ALDH4A1: variants seen among roughly 807,000 people sequenced by gnomAD.
The protein encoded by ALDH4A1 is delta-1-pyrroline-5-carboxylate dehydrogenase, mitochondrial.
A neutral mutation model predicts 70.5 loss-of-function variants in ALDH4A1; 46 were observed. That is an observed-to-expected ratio of 0.65 (90% CI 0.51 to 0.83). The LOEUF is 0.83. Ranked by LOEUF, ALDH4A1 falls within the 40% of genes least tolerant of loss-of-function variation. The pLI, the probability that ALDH4A1 is intolerant of heterozygous loss-of-function variation, is 0.00. For synonymous variants in ALDH4A1, 323 were observed against 324.3 expected, an observed-to-expected ratio of 1.00 and a Z score of 0.04; for missense variants, 749 against 766.5, an observed-to-expected ratio of 0.98 and a Z score of 0.27.
chr1:18,887,078 T>A (rs973481148), intron 3 of ALDH4A1, among the ~76,000 whole-genome samples: 11 of 152,266 alleles, frequency 7.2e-5, no homozygotes, highest in African/African-American at 2.7e-4. Flanking sequence ...GAAGCCATCA[T>A]GGACAGAGCA....
chr1:18,879,473 G>T, intron 8 of ALDH4A1, 100 bp from the exon 9 acceptor site: 1 of 1,069,400 alleles, frequency 9.4e-7, no homozygotes, highest in East Asian at 2.6e-5. Flanking sequence ...CCCAGCAGGA[G>T]GTGGGAGCCA....
intron 14 of ALDH4A1, 76 bp from the exon 15 acceptor site, chr1:18,873,033 G>A: frequency 7.8e-7 from 1 of 1,277,688 alleles, no homozygotes; most frequent in Non-Finnish European, 1.1e-6. Flanking sequence ...GGAGATGATG[G>A]AATCAACGGA....
In ALDH4A1 at chr1:18,895,824, C is replaced by G. The variant is rs1935598253; in HGVS notation, c.63-5719G>C. Among the ~76,000 whole-genome samples the G allele has an allele frequency of 2.0e-5, 3 of 152,332 alleles. No individual in the cohort carries two copies. In the South Asian group the frequency reaches 6.2e-4, roughly 32 times the overall value. On this transcript the variant is annotated intron_variant, in intron 1 of 14. Transcript: ENST00000375341. ...CAACCTGGACTCACGCCATGCCAGC[C>G]CTGCTCCAGTCTCCAAGTCACTCAG...
intron 4 of ALDH4A1, among the ~76,000 whole-genome samples, 179 bp from the exon 5 acceptor site, chr1:18,885,807 T>C (rs1204046745): frequency 6.6e-6 from 1 of 152,190 alleles, no homozygotes; most frequent in African/African-American, 2.4e-5. Context: ...TCAGAGCCTG[T>C]AGTGGCTGCC....
chr1:18,875,539 G>C, intron 12 of ALDH4A1, 36 bp from the exon 13 acceptor site: 4 of 1,613,360 alleles, frequency 2.5e-6, no homozygotes, highest in Non-Finnish European at 3.4e-6. Flanking sequence ...CCCTCCACGG[G>C]ACCAGGGACC....
At chr1:18,879,268 C>T (rs1314035637) in intron 9 of ALDH4A1, 32 bp downstream of exon 9, 5 of 1,582,370 alleles carry the variant, frequency 3.2e-6, no homozygotes, top group Non-Finnish European at 4.3e-6. Context: ...TCCCTGGGGC[C>T]ACACGGGAGG....
Position 18,898,577 on chromosome 1 carries a change from C to T in ALDH4A1, c.62+3885G>A, listed in dbSNP as rs1935698326. ...TGAGCATTTCAGGTGCTGGGCACTCCAAAGTGCTTTCCATGTATGAGACCA... is the reference window on the plus strand; with the variant it reads ...TGAGCATTTCAGGTGCTGGGCACTCTAAAGTGCTTTCCATGTATGAGACCA... On this transcript the variant is annotated intron_variant, in intron 1 of 14. Transcript: ENST00000375341. The surrounding 1 kb of genome is among the most constrained non-coding windows in gnomAD (Gnocchi z 4.3). Among the ~76,000 whole-genome samples, 1 of 152,172 alleles carries T rather than the reference C, an allele frequency of 6.6e-6. No homozygotes were observed. Among genetic ancestry groups the T allele is most frequent in the Non-Finnish European group, 1.5e-5 (1 of 68,034 alleles).
rs183041863 is a variant in ALDH4A1 at position 18,899,658 on chromosome 1, C to T, written c.62+2804G>A. Among the ~76,000 whole-genome samples the T allele has an allele frequency of 2.4e-3, 370 of 152,332 alleles. 2 individuals are homozygous for T. The highest frequency in any genetic ancestry group is 8.6e-3 in the African/African-American group (356 of 41,576). ...TTTCCATGGGCCTCAGTTGTTTAAT[C>T]TGTGAAATGGGGGTGGTAACCCCTA... On this transcript the variant is annotated intron_variant, in intron 1 of 14. Transcript: ENST00000375341.
chr1:18,889,888 C>T, intron 2 of ALDH4A1, 124 bp downstream of exon 2: 1 of 897,472 alleles, frequency 1.1e-6, no homozygotes, highest in Non-Finnish European at 1.7e-6. Flanking sequence ...GGCTTCCACC[C>T]AAGGCTGGGA....
intron 5 of ALDH4A1, 23 bp downstream of exon 5, chr1:18,885,450 A>AC: frequency 1.2e-5 from 6 of 490,412 alleles, no homozygotes; most frequent in Non-Finnish European, 1.5e-5. Flanking sequence ...CGCCCCACCC[A>AC]CCCGGGCCCA....
intron 7 of ALDH4A1, 70 bp from the exon 8 acceptor site, chr1:18,881,957 C>G (rs1268711126): frequency 1.5e-5 from 22 of 1,447,194 alleles, no homozygotes; most frequent in Admixed American, 3.9e-5. Flanking sequence ...CCCACCCTAC[C>G]CTACAGCATG....
intron 5 of ALDH4A1, 32 bp downstream of exon 5, chr1:18,885,441 G>GGGC: frequency 4.2e-5 from 18 of 423,726 alleles, no homozygotes; most frequent in African/African-American, 2.8e-4. Context: ...ACCCCACCCC[G>GGGC]CCCCACCCAC....
rs1171077841 is a variant in ALDH4A1 at position 18,875,430 on chromosome 1, T to A, written c.1412A>T (p.Asp471Val). The stretch of plus-strand genomic sequence containing the variant: ...CGTGAGGCCATAGCTGGTGGTGCTG[T>A]CAACCAGCTGCAGCGTCTCCTTGTA... ...DKYKETLQLV[D>V]STTSYGLTGA... The change falls in exon 13 of 15, where the codon GAC becomes GTC. Residue 471 changes from aspartate to valine, a missense_variant. Physicochemically the swap from Asp to Val is radical, Grantham distance 152. Coordinates refer to ENST00000375341, the MANE Select transcript of ALDH4A1 (RefSeq NM_003748.4). 6.2e-7 allele frequency: 1 copy of A among 1,614,072 alleles called. No homozygotes were observed. The highest frequency in any genetic ancestry group is 2.2e-5 in the East Asian group (1 of 44,866).
chr1:18,887,093 T>C (rs552849182), intron 3 of ALDH4A1, among the ~76,000 whole-genome samples: 3 of 152,382 alleles, frequency 2.0e-5, no homozygotes, highest in East Asian at 3.9e-4. Flanking sequence ...AGAGCAATTG[T>C]TTCCTAAGCC....
Position 18,875,768 on chromosome 1 carries a change from G to A in ALDH4A1, c.1339-265C>T, listed in dbSNP as rs933846680. 5.3e-5 allele frequency among the ~76,000 whole-genome samples: 8 copies of A among 152,144 alleles called. 1 individual carries two copies. Among genetic ancestry groups the A allele is most frequent in the African/African-American group, 1.2e-4 (5 of 41,420 alleles). ...GGCTCTCCCTGCCAAACCCACACCC[G>A]GAGAACTAAGGGTCCAGGTCCCAGA... On this transcript the variant is annotated intron_variant, in intron 12 of 14. Transcript: ENST00000375341.
chr1:18,878,563 C>G (rs924282243), intron 9 of ALDH4A1, among the ~76,000 whole-genome samples: 3 of 152,166 alleles, frequency 2.0e-5, no homozygotes, highest in African/African-American at 7.2e-5. Context: ...CTCCCTCCCT[C>G]TAGGCCTCAG....
chr1:18,882,463 G>T, intron 7 of ALDH4A1: 2 of 476,572 alleles, frequency 4.2e-6, no homozygotes, highest in South Asian at 1.5e-5. Context: ...TCCCCCACAG[G>T]CCTGGGACTT....
At chr1:18,895,039 T>C (rs1214300564) in intron 1 of ALDH4A1, among the ~76,000 whole-genome samples, 1 of 152,206 alleles carries the variant, frequency 6.6e-6, no homozygotes, top group East Asian at 1.9e-4. Flanking sequence ...CACGCATTTA[T>C]GCAGTCAGTA....
rs115813330 is a variant in ALDH4A1 at position 18,875,740 on chromosome 1, T to C, written c.1339-237A>G. On this transcript the variant is annotated intron_variant, in intron 12 of 14. Transcript: ENST00000375341. ...AAGCCGGCAAAAGATGCAAACATTTTCTGGCTCTCCCTGCCAAACCCACAC... is the reference window on the plus strand; with the variant it reads ...AAGCCGGCAAAAGATGCAAACATTTCCTGGCTCTCCCTGCCAAACCCACAC... 9.2e-3 allele frequency among the ~76,000 whole-genome samples: 1,395 copies of C among 152,304 alleles called. 20 individuals carry two copies. The highest frequency in any genetic ancestry group is 0.031 in the African/African-American group (1,298 of 41,544).
Sources: allele counts gnomAD v4.1 joint callset (sites outside exome capture counted in the v4.1 genomes callset), GRCh38; gene constraint gnomAD v4.1.1; non-coding constraint Gnocchi (gnomAD v3.1); transcripts MANE v1.5; gene names NCBI Gene and HGNC (gene_info 2026-07-23, HGNC 2026-07-21).